LRCH2: variants seen among roughly 807,000 people sequenced by gnomAD.
The protein encoded by LRCH2 is leucine rich repeats and calponin homology domain containing 2, also known as leucine-rich repeat and calponin homology domain-containing protein 2.
In LRCH2, 38 loss-of-function variants were observed where a neutral mutation model predicts 68.9. The ratio of observed to expected loss-of-function variants is 0.55; its 90% CI spans 0.43 to 0.72. The LOEUF (loss-of-function observed/expected upper bound fraction) is 0.72, where lower values mean the gene tolerates loss of function less well. Ranked by LOEUF, LRCH2 falls within the 30% of genes least tolerant of loss-of-function variation. The probability of loss-of-function intolerance (pLI) is 0.00; values close to 1 mark genes in which losing one functional copy is unlikely to be tolerated. For synonymous variants in LRCH2, 191 were observed against 208.1 expected (o/e 0.92, Z 0.71); for missense variants, 528 against 572.9 (o/e 0.92, Z 0.80).
intron 1 of LRCH2, among the ~76,000 whole-genome samples, chrX:115,196,429 G>A (rs970728614): frequency 1.8e-5 from 2 of 111,026 alleles, no homozygotes; most frequent in African/African-American, 3.3e-5. Flanking sequence ...GCTCATGCAC[G>A]CACTTGCCAT....
chrX:115,205,958 A>C (rs2072963771), intron 1 of LRCH2, among the ~76,000 whole-genome samples: 1 of 111,304 alleles, frequency 9.0e-6, no homozygotes, highest in African/African-American at 3.3e-5. Flanking sequence ...AATGCAAAAA[A>C]AAATGAAATA....
chrX:115,150,023 T>C lies in LRCH2; in HGVS notation c.1577A>G (p.Gln526Arg), dbSNP rs781974260. 22 of 1,172,113 alleles carry C rather than the reference T, an allele frequency of 1.9e-5. No homozygotes were observed. In the South Asian group the frequency reaches 4.3e-4, roughly 23 times the overall value. The change falls in exon 13 of 21, where the codon CAG becomes CGG. Residue 526 changes from glutamine to arginine, a missense_variant and splice_region_variant. Coordinates refer to ENST00000317135, the MANE Select transcript of LRCH2 (RefSeq NM_020871.4). ...VNSPLSPLTW[Q>R]PLENQKDQID... ...AATTGTAATTTAATTTCTTCTTACCTGCCAGGTGAGGGGTGATAATGGTGA... is the reference window on the plus strand; with the variant it reads ...AATTGTAATTTAATTTCTTCTTACCCGCCAGGTGAGGGGTGATAATGGTGA...
intron 6 of LRCH2, among the ~76,000 whole-genome samples, chrX:115,167,622 C>G (rs1556545854): frequency 9.1e-6 from 1 of 110,406 alleles, no homozygotes; most frequent in Non-Finnish European, 1.9e-5. Context: ...TTCTTACAGT[C>G]TTGAAGTTAT....
intron 5 of LRCH2, among the ~76,000 whole-genome samples, chrX:115,176,640 G>A (rs1448166501): frequency 1.0e-4 from 11 of 110,048 alleles, no homozygotes; most frequent in Non-Finnish European, 1.1e-4. Flanking sequence ...GCTCCCTTTC[G>A]TTTCAATGAA....
chrX:115,196,334 C>T (rs782423807), intron 1 of LRCH2, among the ~76,000 whole-genome samples: 1 of 111,307 alleles, frequency 9.0e-6, no homozygotes, highest in East Asian at 2.9e-4. Flanking sequence ...CATGGCAGGA[C>T]CTCAGCACAG....
intron 1 of LRCH2, among the ~76,000 whole-genome samples, chrX:115,196,223 T>C (rs1242046085): frequency 2.7e-5 from 3 of 110,988 alleles, no homozygotes; most frequent in Admixed American, 9.6e-5. Context: ...CATGGCTGAA[T>C]TATGGGCTGG....
Position 115,149,817 on chromosome X carries a change from T to TATAGA in LRCH2, c.1695+5_1695+9dup, listed in dbSNP as rs1556537717. 2 of 1,073,145 alleles carry TATAGA rather than the reference T, an allele frequency of 1.9e-6. No homozygotes were observed. The highest frequency in any genetic ancestry group is 4.1e-5 in the South Asian group (2 of 48,411). 88.4% of individuals were successfully genotyped at this position (1,073,145 alleles called of 1,213,427 possible). On this transcript the variant is annotated intron_variant, in intron 14 of 20. Coordinates refer to ENST00000317135, the MANE Select transcript of LRCH2 (RefSeq NM_020871.4). The stretch of plus-strand genomic sequence containing the variant: ...TTACAAAGTAAATTTAAAAACTTAA[T>TATAGA]ATAGAGTACCTTGAAATATTCTTTT...
At chrX:115,162,506 G>A (rs1220873062) in intron 11 of LRCH2, among the ~76,000 whole-genome samples, 1 of 112,011 alleles carries the variant, frequency 8.9e-6, no homozygotes, top group Non-Finnish European at 1.9e-5. Flanking sequence ...GAAAGTTACA[G>A]CAGAAGAAAA....
chrX:115,170,527 CATCACAA>C, intron 5 of LRCH2, 95 bp from the exon 6 acceptor site: 1 of 783,071 alleles, frequency 1.3e-6, no homozygotes, highest in Non-Finnish European at 1.7e-6. Context: ...TACATTGAGA[CATCACAA>C]TCTTGATTGA....
chrX:115,147,810 G>C (rs187672997), intron 14 of LRCH2, among the ~76,000 whole-genome samples: 12 of 110,878 alleles, frequency 1.1e-4, no homozygotes, highest in East Asian at 5.7e-4. Flanking sequence ...CAGCACTTTG[G>C]GGGGGCCTAG....
intron 16 of LRCH2, among the ~76,000 whole-genome samples, chrX:115,125,146 C>T (rs1446707785): frequency 1.8e-5 from 2 of 109,065 alleles, no homozygotes; most frequent in Admixed American, 2.0e-4. Context: ...AAAACTCACA[C>T]CTGTAATCTC....
At chrX:115,183,105 A>C (rs1295354608) in intron 3 of LRCH2, among the ~76,000 whole-genome samples, 2 of 110,818 alleles carry the variant, frequency 1.8e-5, no homozygotes, top group Non-Finnish European at 3.8e-5. Context: ...TCCACCATTG[A>C]AAATATACAG....
chrX:115,111,600 A>T lies in LRCH2; in HGVS notation c.*1616T>A, dbSNP rs1304897559. The T allele has an allele frequency of 1.8e-5, 2 of 111,299 alleles. No homozygotes were observed. The allele number at this position is 111,299 out of a possible 1,213,427, so 9.2% of individuals were successfully genotyped here. ...TAACAACTAATGAGGTCAAATATTT[A>T]AAATAATAAATTACTAATAATTTAA... On this transcript the variant is annotated 3_prime_UTR_variant, in exon 21 of 21. Coordinates refer to ENST00000317135, the MANE Select transcript of LRCH2 (RefSeq NM_020871.4).
chrX:115,168,803 TA>T, intron 6 of LRCH2, among the ~76,000 whole-genome samples: 1 of 111,355 alleles, frequency 9.0e-6, no homozygotes, highest in East Asian at 2.8e-4. Context: ...TAGTTTTTTT[TA>T]AAAAAATGAG....
rs2072038418 is a variant in LRCH2, at chrX:115,110,934, G to T, written c.*2282C>A. ...TTTGGGGGCCTAATAAAATATTTTT[G>T]ATTATTCAACTGTCATTAAATCACA... On this transcript the variant is annotated 3_prime_UTR_variant, in exon 21 of 21. Transcript: ENST00000317135. 9.0e-6 allele frequency: 1 copy of T among 111,311 alleles called. No individual in the cohort carries two copies. Among genetic ancestry groups the T allele is most frequent in the African/African-American group, 3.3e-5 (1 of 30,664 alleles). The allele number at this position is 111,311 out of a possible 1,213,427, so 9.2% of individuals were successfully genotyped here. A position where few individuals can be genotyped will look rare whatever the true frequency, so the allele number is the denominator to read the frequency against.
chrX:115,151,345 T>C (rs2072430400), intron 12 of LRCH2, among the ~76,000 whole-genome samples: 1 of 109,776 alleles, frequency 9.1e-6, no homozygotes, highest in Non-Finnish European at 1.9e-5. Context: ...TAACAAGTAG[T>C]AGAGAGACAC....
At chrX:115,125,493 A>G (rs1285830811) in intron 16 of LRCH2, among the ~76,000 whole-genome samples, 3 of 50 alleles carry the variant, frequency 0.06, no homozygotes, top group Non-Finnish European at 0.13. Flanking sequence ...ATATATATAT[A>G]TATATATATA....
intron 14 of LRCH2, among the ~76,000 whole-genome samples, chrX:115,142,283 T>C (rs1241608715): frequency 3.6e-5 from 4 of 111,846 alleles, no homozygotes; most frequent in African/African-American, 6.5e-5. Flanking sequence ...CAAAGAACAA[T>C]TGGACTTAAT....
In LRCH2 at chrX:115,234,061, GC is replaced by G; in HGVS notation, c.-21del. On this transcript the variant is annotated 5_prime_UTR_variant, in exon 1 of 21. Transcript: ENST00000317135. Reference sequence around the variant, plus strand: ...CGCCATGTTCCTGGGAGAGAGAATAGCCCCCGACAATACTGTCAGCCTGTGC... The same window carrying G: ...CGCCATGTTCCTGGGAGAGAGAATAGCCCCGACAATACTGTCAGCCTGTGC... The G allele has an allele frequency of 2.6e-6, 3 of 1,160,498 alleles. No individual in the cohort carries two copies. Among genetic ancestry groups the G allele is most frequent in the South Asian group, 3.9e-5 (2 of 51,258 alleles).
Sources: gnomAD v4.1 joint callset for allele counts (sites outside exome capture counted in the v4.1 genomes callset) on GRCh38, gnomAD v4.1.1 for gene constraint, MANE v1.5 for transcripts, NCBI Gene and HGNC (gene_info 2026-07-23, HGNC 2026-07-21) for gene names.